RAVER2: variants seen among roughly 807,000 people sequenced by gnomAD.
RAVER2 encodes ribonucleoprotein PTB-binding 2.
RAVER2 carries 46 observed loss-of-function variants against 78.1 expected under a neutral mutation model. That is an observed-to-expected ratio of 0.59 (90% CI 0.46 to 0.75). RAVER2 has a LOEUF of 0.75. RAVER2 is among the 30% of genes least tolerant of loss of function. The probability of loss-of-function intolerance (pLI) is 0.00; values close to 1 mark genes in which losing one functional copy is unlikely to be tolerated. For synonymous variants in RAVER2, 311 were observed against 313.3 expected, an observed-to-expected ratio of 0.99 and a Z score of 0.08; for missense variants, 793 against 837.5, an observed-to-expected ratio of 0.95 and a Z score of 0.66.
chr1:64,759,435 G>T (rs1316952016), intron 1 of RAVER2, among the ~76,000 whole-genome samples: 23 of 151,380 alleles, frequency 1.5e-4, no homozygotes, highest in Admixed American at 1.5e-3. Context: ...TAGCCAGAAT[G>T]GTTTCGATCT....
chr1:64,830,142 T>C (rs1399737794), intron 11 of RAVER2, among the ~76,000 whole-genome samples: 1 of 152,222 alleles, frequency 6.6e-6, no homozygotes, highest in African/African-American at 2.4e-5. Flanking sequence ...GCACTTATTT[T>C]TGTAAAAGCT....
intron 11 of RAVER2, among the ~76,000 whole-genome samples, chr1:64,826,243 A>G (rs1313034097): frequency 6.6e-6 from 1 of 152,254 alleles, no homozygotes; most frequent in African/African-American, 2.4e-5. Context: ...AATGGAACTT[A>G]CATTTAGGGG....
intron 1 of RAVER2, among the ~76,000 whole-genome samples, chr1:64,762,809 A>G (rs928389621): frequency 6.6e-6 from 1 of 152,198 alleles, no homozygotes; most frequent in Admixed American, 6.5e-5. Flanking sequence ...TGTCTTCATG[A>G]CCTTGGGTAG....
At chr1:64,804,676 G>A in intron 6 of RAVER2, 58 bp from the exon 7 acceptor site, 1 of 832,204 alleles carries the variant, frequency 1.2e-6, no homozygotes, top group Non-Finnish European at 2.0e-6. Flanking sequence ...AAATGAATTG[G>A]GTTATACAAC....
At chr1:64,789,827 G>A (rs1652887220) in intron 5 of RAVER2, among the ~76,000 whole-genome samples, 2 of 152,172 alleles carry the variant, frequency 1.3e-5, no homozygotes, top group South Asian at 4.1e-4. Context: ...ACACTACATT[G>A]TTATAACCTA....
intron 4 of RAVER2, among the ~76,000 whole-genome samples, chr1:64,787,993 T>G (rs907248098): frequency 1.3e-5 from 2 of 152,190 alleles, no homozygotes; most frequent in African/African-American, 4.8e-5. Flanking sequence ...GTTCTCCATT[T>G]TCTCATAGCT....
intron 9 of RAVER2, among the ~76,000 whole-genome samples, chr1:64,808,456 C>CTTTTTTTTTTTTTTTT (rs71584460): frequency 9.7e-6 from 1 of 103,162 alleles, no homozygotes; most frequent in Non-Finnish European, 1.9e-5. Flanking sequence ...TAATGCAGTC[C>CTTTTTTTTTTTTTTTT]TTTTTTTTTT....
chr1:64,799,195 T>G (rs1183258029), intron 5 of RAVER2, among the ~76,000 whole-genome samples: 1 of 152,234 alleles, frequency 6.6e-6, no homozygotes, highest in African/African-American at 2.4e-5. Context: ...TATTTATCTT[T>G]ATGTGCCTGA....
At chr1:64,774,762 T>C (rs1652416199) in intron 2 of RAVER2, among the ~76,000 whole-genome samples, 1 of 152,232 alleles carries the variant, frequency 6.6e-6, no homozygotes, top group Non-Finnish European at 1.5e-5. Context: ...TAAATTACTT[T>C]GGGCAGTATG....
intron 5 of RAVER2, among the ~76,000 whole-genome samples, chr1:64,797,940 T>C (rs962229445): frequency 4.0e-5 from 6 of 151,572 alleles, no homozygotes; most frequent in African/African-American, 9.7e-5. Flanking sequence ...TTTTTTATTA[T>C]ACTTTAAGTT....
At chr1:64,759,931 T>C (rs1033789111) in intron 1 of RAVER2, among the ~76,000 whole-genome samples, 3 of 152,144 alleles carry the variant, frequency 2.0e-5, no homozygotes, top group Non-Finnish European at 4.4e-5. Context: ...GGAAACAAAA[T>C]GTCATATATT....
At chr1:64,750,618 G>A (rs909603590) in intron 1 of RAVER2, among the ~76,000 whole-genome samples, 1 of 151,944 alleles carries the variant, frequency 6.6e-6, no homozygotes, top group African/African-American at 2.4e-5. Flanking sequence ...TTAACTGTGG[G>A]ATTTAAAAAT....
chr1:64,804,024 C>A (rs1653342537), intron 6 of RAVER2, among the ~76,000 whole-genome samples: 1 of 152,152 alleles, frequency 6.6e-6, no homozygotes. Flanking sequence ...CAACTCACTG[C>A]AGATCGCTGT....
intron 1 of RAVER2, among the ~76,000 whole-genome samples, chr1:64,763,871 C>T (rs1218936767): frequency 6.6e-6 from 1 of 151,446 alleles, no homozygotes; most frequent in East Asian, 2.0e-4. Context: ...CCATTGCACT[C>T]CAGCCTGGAC....
At chr1:64,750,890 TG>T (rs1651679573) in intron 1 of RAVER2, among the ~76,000 whole-genome samples, 1 of 152,242 alleles carries the variant, frequency 6.6e-6, no homozygotes, top group Non-Finnish European at 1.5e-5. Flanking sequence ...TCATGTGTTT[TG>T]TTATCCTATT....
At chr1:64,753,559 A>G (rs1013603764) in intron 1 of RAVER2, among the ~76,000 whole-genome samples, 2 of 118,140 alleles carry the variant, frequency 1.7e-5, no homozygotes, top group African/African-American at 6.7e-5. Flanking sequence ...ACGGAGTCTC[A>G]CTCTGTTGCC....
chr1:64,830,296 G>A (rs1466255923), intron 11 of RAVER2, among the ~76,000 whole-genome samples: 2 of 152,144 alleles, frequency 1.3e-5, no homozygotes, highest in Non-Finnish European at 2.9e-5. Flanking sequence ...TAATATGCTC[G>A]CCAGGCGATT....
At chr1:64,816,634 A>G (rs1017219161) in intron 11 of RAVER2, 2 of 152,198 alleles carry the variant, frequency 1.3e-5, no homozygotes, top group Non-Finnish European at 2.9e-5. Context: ...CACTTGCTAT[A>G]TGCTTTGTGA....
intron 1 of RAVER2, among the ~76,000 whole-genome samples, chr1:64,764,644 C>T (rs1232630731): frequency 1.3e-5 from 2 of 152,146 alleles, no homozygotes; most frequent in Non-Finnish European, 2.9e-5. Context: ...ACTCATAATA[C>T]AGTTAACAAC....
Sources: allele counts gnomAD v4.1 joint callset (sites outside exome capture counted in the v4.1 genomes callset), GRCh38; gene constraint gnomAD v4.1.1; transcripts MANE v1.5; gene names NCBI Gene and HGNC (gene_info 2026-07-23, HGNC 2026-07-21).